HS1BP3: variants seen among roughly 807,000 people sequenced by gnomAD.
HS1BP3 encodes HCLS1 binding protein 3.
A neutral mutation model predicts 33.5 loss-of-function variants in HS1BP3; 32 were observed. That is an observed-to-expected ratio of 0.95 (90% CI 0.72 to 1.28). HS1BP3 has a LOEUF of 1.28. Ranked by LOEUF, HS1BP3 falls within the 50% of genes most tolerant of loss-of-function variation. The pLI is 0.00. For missense variants in HS1BP3, 486 were observed against 502.3 expected (o/e 0.97, Z 0.31); for synonymous variants, 187 against 209.2 (o/e 0.89, Z 0.92).
intron 5 of HS1BP3, among the ~76,000 whole-genome samples, chr2:20,572,151 C>T (rs1273759832): frequency 6.6e-6 from 1 of 152,210 alleles, no homozygotes; most frequent in East Asian, 1.9e-4. Context: ...CTTGAAGGGG[C>T]AGGGCGGCCC....
At chr2:20,642,671 C>G (rs1418504359) in intron 2 of HS1BP3, among the ~76,000 whole-genome samples, 1 of 152,224 alleles carries the variant, frequency 6.6e-6, no homozygotes, top group Non-Finnish European at 1.5e-5. Context: ...ATCGTGAGTA[C>G]TCCGGAGCTG....
chr2:20,601,827 G>GGAGT (rs1264688642), intron 2 of HS1BP3, among the ~76,000 whole-genome samples: 1 of 133,168 alleles, frequency 7.5e-6, no homozygotes, highest in Non-Finnish European at 1.5e-5. Context: ...TGCCCAGGCT[G>GGAGT]GAGTGCAGTG....
chr2:20,614,380 G>A (rs1168892100), downstream of HS1BP3, among the ~76,000 whole-genome samples: 2 of 152,214 alleles, frequency 1.3e-5, no homozygotes, highest in African/African-American at 2.4e-5. Context: ...CAGGCTGCAG[G>A]TAACAAACTG....
At chr2:20,647,125 G>A (rs1695543765) in intron 1 of HS1BP3, among the ~76,000 whole-genome samples, 1 of 152,148 alleles carries the variant, frequency 6.6e-6, no homozygotes. Flanking sequence ...TCTCAGGGGT[G>A]GGAAAGGGAT....
chr2:20,640,424 T>C (rs1029044419), intron 3 of HS1BP3: 1 of 217,546 alleles, frequency 4.6e-6, no homozygotes, highest in Non-Finnish European at 9.0e-6. Context: ...AGGACACCCA[T>C]GGGAAGGGCT....
At chr2:20,588,540 G>C (rs1041019477), downstream of HS1BP3, among the ~76,000 whole-genome samples, 3 of 152,100 alleles carry the variant, frequency 2.0e-5, no homozygotes, top group African/African-American at 7.2e-5. Context: ...GGCTGGTCTC[G>C]AATTCCCGAC....
At chr2:20,639,924 C>G (rs1018874861) in intron 3 of HS1BP3, 1 of 152,262 alleles carries the variant, frequency 6.6e-6, no homozygotes, top group African/African-American at 2.4e-5. Flanking sequence ...CAGAAGAGAA[C>G]CCAGACCCAT....
intron 5 of HS1BP3, among the ~76,000 whole-genome samples, chr2:20,580,704 T>C (rs1413986155): frequency 6.6e-6 from 1 of 152,158 alleles, no homozygotes; most frequent in African/African-American, 2.4e-5. Context: ...AGTGAGATTC[T>C]CCTTTACACT....
intron 2 of HS1BP3, among the ~76,000 whole-genome samples, chr2:20,641,954 G>A (rs879745930): frequency 6.6e-6 from 1 of 152,240 alleles, no homozygotes. Flanking sequence ...AGTGGTTTCA[G>A]TGCCATCGCC....
At chr2:20,621,958 G>T (rs561038842) in intron 6 of HS1BP3, among the ~76,000 whole-genome samples, 2 of 152,188 alleles carry the variant, frequency 1.3e-5, no homozygotes, top group South Asian at 4.1e-4. Flanking sequence ...CAACCAGTGG[G>T]GGGTAAGGGA....
At chr2:20,641,539 C>T (rs1051473222) in intron 2 of HS1BP3, among the ~76,000 whole-genome samples, 5 of 152,204 alleles carry the variant, frequency 3.3e-5, no homozygotes, top group East Asian at 1.9e-4. Context: ...GTGATCTCAC[C>T]GGCTGGCAGG....
intron 3 of HS1BP3, among the ~76,000 whole-genome samples, chr2:20,593,197 T>G (rs1461455239): frequency 2.6e-5 from 4 of 151,988 alleles, no homozygotes; most frequent in Non-Finnish European, 5.9e-5. Context: ...GTTTAGTCAA[T>G]TGTTTGGTAT....
At chr2:20,558,044 T>G (rs1036365761), downstream of HS1BP3, among the ~76,000 whole-genome samples, 2 of 152,218 alleles carry the variant, frequency 1.3e-5, no homozygotes, top group African/African-American at 4.8e-5. Context: ...CATCCCCAGA[T>G]AGAGGCTACT....
At chr2:20,600,098 G>C (rs1251812630) in intron 2 of HS1BP3, among the ~76,000 whole-genome samples, 1 of 152,212 alleles carries the variant, frequency 6.6e-6, no homozygotes, top group African/African-American at 2.4e-5. Context: ...AGCTTCAACA[G>C]CCCAGCCTCT....
intron 2 of HS1BP3, among the ~76,000 whole-genome samples, chr2:20,608,452 T>C (rs1694245938): frequency 1.3e-5 from 2 of 151,540 alleles, no homozygotes; most frequent in African/African-American, 4.9e-5. Flanking sequence ...TGCATGCCTG[T>C]AATCCCAGCT....
intron 1 of HS1BP3, among the ~76,000 whole-genome samples, chr2:20,645,887 T>C (rs1695504327): frequency 6.6e-6 from 1 of 152,082 alleles, no homozygotes; most frequent in African/African-American, 2.4e-5. Flanking sequence ...CAGCAAGGGA[T>C]TGAAATCCCA....
chr2:20,609,371 C>T (rs772379296), intron 2 of HS1BP3, among the ~76,000 whole-genome samples: 25 of 152,244 alleles, frequency 1.6e-4, no homozygotes, highest in Non-Finnish European at 2.9e-4. Flanking sequence ...AAGATTGCCA[C>T]TTCAAAGCCG....
At chr2:20,594,437 C>A (rs1009497808) in intron 3 of HS1BP3, among the ~76,000 whole-genome samples, 16 of 152,204 alleles carry the variant, frequency 1.1e-4, no homozygotes, top group African/African-American at 3.9e-4. Context: ...CATGGCCTGC[C>A]TGCTGGGAAG....
At chr2:20,629,942 G>A (rs931325743) in intron 4 of HS1BP3, among the ~76,000 whole-genome samples, 6 of 152,216 alleles carry the variant, frequency 3.9e-5, no homozygotes, top group African/African-American at 1.4e-4. Flanking sequence ...CCACCACTCT[G>A]GCCACCCAGG....
Sources: gnomAD v4.1 joint callset for allele counts (sites outside exome capture counted in the v4.1 genomes callset) on GRCh38, gnomAD v4.1.1 for gene constraint, MANE v1.5 for transcripts, NCBI Gene and HGNC (gene_info 2026-07-23, HGNC 2026-07-21) for gene names.